TNKS: variants seen among roughly 807,000 people sequenced by gnomAD.
TNKS encodes the protein poly [ADP-ribose] polymerase tankyrase-1.
In TNKS, 72 loss-of-function variants were observed where a neutral mutation model predicts 135.8. The ratio of observed to expected loss-of-function variants is 0.53; its 90% CI spans 0.44 to 0.64. TNKS has a LOEUF of 0.64. Ranked by LOEUF, TNKS falls within the 30% of genes least tolerant of loss-of-function variation. TNKS has a pLI of 0.00. For missense variants in TNKS, 1,769 were observed against 1,674.0 expected (o/e 1.06, Z -0.99); for synonymous variants, 849 against 649.3 (o/e 1.31, Z -4.68).
At chr8:9,753,230 G>T (rs1021048550) in intron 20 of TNKS, among the ~76,000 whole-genome samples, 1 of 152,144 alleles carries the variant, frequency 6.6e-6, no homozygotes, top group African/African-American at 2.4e-5. Context: ...TTGGTTGTTT[G>T]TTTCCGAAAA....
At chr8:9,579,816 C>A (rs1450108640) in intron 1 of TNKS, among the ~76,000 whole-genome samples, 1 of 152,134 alleles carries the variant, frequency 6.6e-6, no homozygotes, top group Non-Finnish European at 1.5e-5. Context: ...TGATGAGTTT[C>A]TATATACAGT....
intron 3 of TNKS, among the ~76,000 whole-genome samples, chr8:9,639,178 C>A (rs1444477218): frequency 6.6e-6 from 1 of 152,098 alleles, no homozygotes; most frequent in Non-Finnish European, 1.5e-5. Flanking sequence ...TTATTCAGAG[C>A]AAATAACAGT....
chr8:9,772,111 C>G (rs368418348), intron 26 of TNKS, among the ~76,000 whole-genome samples: 2,416 of 141,624 alleles, frequency 0.017, 65 homozygotes, highest in African/African-American at 0.06. Flanking sequence ...CAGGGAAGGA[C>G]GGGTGGAGGG....
chr8:9,615,005 G>C (rs751680656), intron 2 of TNKS, among the ~76,000 whole-genome samples: 10 of 152,166 alleles, frequency 6.6e-5, no homozygotes, highest in Non-Finnish European at 1.3e-4. Context: ...ATGAGTATAA[G>C]AGGCAGTTCC....
At chr8:9,602,373 C>G (rs185251722) in intron 2 of TNKS, among the ~76,000 whole-genome samples, 35 of 152,264 alleles carry the variant, frequency 2.3e-4, no homozygotes, top group Admixed American at 2.3e-3. Flanking sequence ...GTGGAATACC[C>G]TGTTTTGGAA....
At chr8:9,704,560 A>G in intron 5 of TNKS, 103 bp from the exon 6 acceptor site, 1 of 926,978 alleles carries the variant, frequency 1.1e-6, no homozygotes, top group Non-Finnish European at 1.7e-6. Context: ...TCAGCGCAGT[A>G]TTTTTGTGTC....
Position 9,761,652 on chromosome 8 carries a change from A to G in TNKS, c.3274+16A>G, listed in dbSNP as rs558343395. On this transcript the variant is annotated intron_variant, in intron 21 of 26. Coordinates refer to ENST00000310430, the MANE Select transcript of TNKS (RefSeq NM_003747.3). Reference sequence around the variant, plus strand: ...GGACAACAAGGTAAGCTATTCAGAAAAAAAAAAAAATTTCAGAAATCAGTG... The same window carrying G: ...GGACAACAAGGTAAGCTATTCAGAAGAAAAAAAAAATTTCAGAAATCAGTG... 1.1e-5 allele frequency: 17 copies of G among 1,578,310 alleles called. No homozygotes were observed. In the African/African-American group the frequency reaches 1.9e-4, roughly 18 times the overall value.
intron 6 of TNKS, among the ~76,000 whole-genome samples, chr8:9,705,750 G>T (rs1563179758): frequency 6.6e-6 from 1 of 152,162 alleles, no homozygotes; most frequent in East Asian, 1.9e-4. Context: ...ACAAAAAAAG[G>T]GTTTTTTTGG....
In TNKS at chr8:9,738,961, C is replaced by T. The variant is rs540365971; in HGVS notation, c.2643+3475C>T. ...TTCAATTCCTGGGTATCCTTGTTGA[C>T]TTTCTGTCTCGTTGATCTGTCTAAT... On this transcript the variant is annotated intron_variant, in intron 17 of 26. Transcript: ENST00000310430. 7.4e-4 allele frequency among the ~76,000 whole-genome samples: 113 copies of T among 151,796 alleles called. 1 individual carries two copies. The highest frequency in any genetic ancestry group is 9.7e-4 in the Non-Finnish European group (66 of 67,960).
chr8:9,742,038 TG>T lies in TNKS; in HGVS notation c.2644-5985del, dbSNP rs1393855787. Among the ~76,000 whole-genome samples, 3 of 152,330 alleles carry T rather than the reference TG, an allele frequency of 2.0e-5. No individual in the cohort carries two copies. In the East Asian group the frequency reaches 5.8e-4, roughly 29 times the overall value. On this transcript the variant is annotated intron_variant, in intron 17 of 26. Transcript: ENST00000310430. ...TGTAAATGAAGGTAACTTACTGAGG[TG>T]AGAATGATCAAAAAATTCTCCAGGC...
At chr8:9,668,426 TC>T (rs1324090344) in intron 3 of TNKS, among the ~76,000 whole-genome samples, 2 of 152,194 alleles carry the variant, frequency 1.3e-5, no homozygotes, top group African/African-American at 4.8e-5. Flanking sequence ...ATTTTTGAAT[TC>T]CATGAAATTA....
intron 13 of TNKS, among the ~76,000 whole-genome samples, chr8:9,727,761 T>C (rs1042291164): frequency 2.0e-5 from 3 of 152,332 alleles, no homozygotes; most frequent in African/African-American, 7.2e-5. Flanking sequence ...CGTTTTAAGC[T>C]CTGTTGCCTA....
chr8:9,679,781 A>G, intron 3 of TNKS, 170 bp from the exon 4 acceptor site: 1 of 541,998 alleles, frequency 1.8e-6, no homozygotes, highest in South Asian at 2.7e-5. Flanking sequence ...TCTCCAAGGC[A>G]CTGGTGATGC....
Position 9,708,493 on chromosome 8 carries a change from G to C in TNKS, c.1578+1G>C. 6.3e-7 allele frequency: 1 copy of C among 1,588,530 alleles called. No individual in the cohort carries two copies. Among genetic ancestry groups the C allele is most frequent in the South Asian group, 1.2e-5 (1 of 85,322 alleles). On this transcript the variant is annotated splice_donor_variant, in intron 9 of 26. Transcript: ENST00000310430. LOFTEE classifies it high-confidence loss of function. ...ACCGCAGTCTCATGAAACAGCACTGGTAAGATTTTATTGTTAATCTATTCC... is the reference window on the plus strand; with the variant it reads ...ACCGCAGTCTCATGAAACAGCACTGCTAAGATTTTATTGTTAATCTATTCC...
At chr8:9,711,856 C>G (rs979515135) in intron 11 of TNKS, among the ~76,000 whole-genome samples, 1 of 152,112 alleles carries the variant, frequency 6.6e-6, no homozygotes, top group Non-Finnish European at 1.5e-5. Flanking sequence ...ATGAATCACC[C>G]AGCCGTCATA....
At chr8:9,586,475 A>G (rs993757584) in intron 2 of TNKS, among the ~76,000 whole-genome samples, 4 of 151,928 alleles carry the variant, frequency 2.6e-5, no homozygotes, top group Admixed American at 2.0e-4. Context: ...ATTATATTTT[A>G]TGATTCTGCT....
rs201930134 is a variant in TNKS, at chr8:9,751,663, A to G, written c.2887A>G (p.Thr963Ala). The change falls in exon 19 of 27, where the codon ACC becomes GCC. Residue 963 changes from threonine to alanine, a missense_variant. Around this residue, in one of 5 missense-constraint regions of TNKS, gnomAD observed 722 missense variants for 688.9 expected, o/e 1.05. Coordinates refer to ENST00000310430, the MANE Select transcript of TNKS (RefSeq NM_003747.3). ...TGCCATGCCCCCAGAGGCCTTACCT[A>G]CCTGTTTTAAACCTCAGGCTACTGT... ...IDAMPPEALP[T>A]CFKPQATVVS... The G allele has an allele frequency of 6.2e-6, 10 of 1,613,948 alleles. No individual in the cohort carries two copies. The highest frequency in any genetic ancestry group is 1.1e-5 in the South Asian group (1 of 91,076).
At chr8:9,615,486 T>C (rs991138557) in intron 2 of TNKS, 96 bp from the exon 3 acceptor site, 15 of 893,568 alleles carry the variant, frequency 1.7e-5, no homozygotes, top group Non-Finnish European at 2.1e-5. Flanking sequence ...ATTTGTGCAA[T>C]GTATGTTTAT....
At chr8:9,562,082 G>T (rs1797357562) in intron 1 of TNKS, among the ~76,000 whole-genome samples, 1 of 152,090 alleles carries the variant, frequency 6.6e-6, no homozygotes, top group Non-Finnish European at 1.5e-5. Context: ...CTCCCAAAGT[G>T]CTGGGATTAC....
Sources: allele counts gnomAD v4.1 joint callset (sites outside exome capture counted in the v4.1 genomes callset), GRCh38; gene constraint gnomAD v4.1.1; regional missense constraint gnomAD v4.1.1; transcripts MANE v1.5; gene names NCBI Gene and HGNC (gene_info 2026-07-23, HGNC 2026-07-21).